LOXHD1: variants seen among roughly 807,000 people sequenced by gnomAD.
The protein encoded by LOXHD1 is lipoxygenase homology PLAT domains 1.
In LOXHD1, 205 loss-of-function variants were observed where a neutral mutation model predicts 248.2. That is an observed-to-expected ratio of 0.83 (90% CI 0.74 to 0.93). LOXHD1 has a LOEUF of 0.93. Ranked by LOEUF, LOXHD1 falls within the 40% of genes least tolerant of loss-of-function variation. LOXHD1 has a pLI of 0.00. For synonymous variants in LOXHD1, 1,113 were observed against 1,162.8 expected (o/e 0.96, Z 0.87); for missense variants, 2,930 against 2,971.6 (o/e 0.99, Z 0.33).
At chr18:46,601,601 T>C (rs2038341499) in intron 7 of LOXHD1, 134 bp from the exon 8 acceptor site, 3 of 1,237,024 alleles carry the variant, frequency 2.4e-6, no homozygotes, top group Non-Finnish European at 2.3e-6. Flanking sequence ...CATCATGTCC[T>C]ACTCCTCCAG....
chr18:46,585,102 C>G (rs1349661205), intron 12 of LOXHD1, among the ~76,000 whole-genome samples: 1 of 152,110 alleles, frequency 6.6e-6, no homozygotes, highest in Non-Finnish European at 1.5e-5. Context: ...ACACCCACAG[C>G]TAACATCATA....
chr18:46,649,131 C>A lies in LOXHD1; in HGVS notation c.245+24G>T, dbSNP rs1021743949. 2.6e-6 allele frequency: 4 copies of A among 1,537,084 alleles called. No individual in the cohort carries two copies. In the African/African-American group the frequency reaches 5.5e-5, roughly 21 times the overall value. ...CAACAGGACTAATGGCCCAGGATCC[C>A]ACCAAGGCCAAGTGGGTACTCACTT... On this transcript the variant is annotated intron_variant, in intron 2 of 40. Coordinates refer to ENST00000642948, the MANE Select transcript of LOXHD1 (RefSeq NM_001384474.1).
chr18:46,656,163 T>C (rs2039178853), intron 1 of LOXHD1, among the ~76,000 whole-genome samples: 1 of 152,124 alleles, frequency 6.6e-6, no homozygotes, highest in Non-Finnish European at 1.5e-5. Context: ...AGACCTAGTA[T>C]GAGATGACAG....
intron 4 of LOXHD1, among the ~76,000 whole-genome samples, chr18:46,623,461 A>G (rs1011078629): frequency 1.3e-5 from 2 of 152,254 alleles, no homozygotes; most frequent in African/African-American, 4.8e-5. Flanking sequence ...AAAGCCAACC[A>G]GAATTGAGCT....
chr18:46,592,109 G>C, intron 11 of LOXHD1, 41 bp from the exon 12 acceptor site: 1 of 1,551,458 alleles, frequency 6.4e-7, no homozygotes, highest in South Asian at 1.2e-5. Flanking sequence ...GTGCACCAGG[G>C]ATGTTCACCG....
At chr18:46,539,231 T>C (rs1034429838) in intron 25 of LOXHD1, among the ~76,000 whole-genome samples, 1 of 152,088 alleles carries the variant, frequency 6.6e-6, no homozygotes, top group Non-Finnish European at 1.5e-5. Flanking sequence ...GAGGCCGAGG[T>C]GGGCTAATCA....
intron 7 of LOXHD1, 88 bp from the exon 8 acceptor site, chr18:46,601,555 C>A (rs750506703): frequency 1.3e-6 from 2 of 1,522,430 alleles, no homozygotes; most frequent in East Asian, 2.5e-5. Flanking sequence ...GTTACAACAC[C>A]CCCAAAGCCC....
chr18:46,511,131 T>G (rs2034933641), intron 34 of LOXHD1, among the ~76,000 whole-genome samples: 1 of 152,192 alleles, frequency 6.6e-6, no homozygotes, highest in Non-Finnish European at 1.5e-5. Flanking sequence ...AAGCTTTTCT[T>G]CTGGAAGACT....
intron 21 of LOXHD1, chr18:46,556,861 G>A (rs1202785799): frequency 1.8e-5 from 3 of 167,452 alleles, no homozygotes; most frequent in East Asian, 3.3e-4. Context: ...CCCTCACCCT[G>A]TGACGTCACA....
In LOXHD1 at chr18:46,533,308, G is replaced by A; in HGVS notation, c.4229C>T (p.Thr1410Ile). 1 of 1,551,834 alleles carries A rather than the reference G, an allele frequency of 6.4e-7. No individual in the cohort carries two copies. Among genetic ancestry groups the A allele is most frequent in the Non-Finnish European group, 8.7e-7 (1 of 1,147,008 alleles). ...GGCAAGCCACCGATCGCATGGGAAA[G>A]TCAAGGTCTCTGCACCCTGGGGTGA... The part of the protein sequence containing the change: ...LPDKDGAETL[T>I]FPCDRWLATS... The change falls in exon 28 of 41, where the codon ACT becomes ATT. Residue 1410 changes from threonine (T) to isoleucine (I), a missense_variant. Physicochemically the swap from Thr to Ile is moderately conservative, Grantham distance 89. Transcript: ENST00000642948.
rs559560065 is a variant in LOXHD1 at position 46,489,036 on chromosome 18, G to A, written c.5985C>T (p.Asp1995=). The change falls in exon 38 of 41, where the codon GAC becomes GAT. Residue 1995 remains aspartate, a synonymous_variant. Transcript: ENST00000642948. ...AGGCAAAGTCGCGGACCGTCTGCCC[G>A]TCACCCTCACTCTTGGAGAGCCAGC... is the stretch of plus-strand genomic sequence containing the variant. ...CDCWLSKSEG[D]GQTVRDFACA... The A allele has an allele frequency of 9.9e-5, 154 of 1,551,602 alleles. No homozygotes were observed. Among genetic ancestry groups the A allele is most frequent in the East Asian group, 3.7e-4 (15 of 40,904 alleles).
At chr18:46,545,167 A>T (rs2036745067) in intron 23 of LOXHD1, 150 bp downstream of exon 23, 2 of 629,498 alleles carry the variant, frequency 3.2e-6, no homozygotes, top group Non-Finnish European at 5.6e-6. Context: ...TTTAGAAAAA[A>T]AGGAACTGCC....
intron 21 of LOXHD1, among the ~76,000 whole-genome samples, chr18:46,551,937 A>C (rs1055628809): frequency 1.3e-5 from 2 of 152,250 alleles, no homozygotes; most frequent in African/African-American, 4.8e-5. Context: ...ACACTAAGTG[A>C]AACAAGCTAG....
At position 46,559,609 on chromosome 18, in the gene LOXHD1, A is replaced by T. The variant is rs746227746; in HGVS notation, c.3062-7T>A. On this transcript the variant is annotated splice_polypyrimidine_tract_variant and splice_region_variant and intron_variant, in intron 19 of 40. Transcript: ENST00000642948. Reference sequence around the variant, plus strand: ...TGAACCTCATAGGTGTTTCCTGTAGACACAGAAAGATGCAGTGTGGAGGGC... The same window carrying T: ...TGAACCTCATAGGTGTTTCCTGTAGTCACAGAAAGATGCAGTGTGGAGGGC... The T allele has an allele frequency of 7.7e-6, 12 of 1,551,376 alleles. No individual in the cohort carries two copies. The highest frequency in any genetic ancestry group is 1.0e-5 in the Non-Finnish European group (12 of 1,146,678).
At chr18:46,512,985 G>A (rs1017121096) in intron 34 of LOXHD1, among the ~76,000 whole-genome samples, 8 of 152,088 alleles carry the variant, frequency 5.3e-5, no homozygotes, top group Non-Finnish European at 1.0e-4. Context: ...TTCAAATCCA[G>A]GTGATATAAA....
chr18:46,567,180 C>T (rs555764591), intron 16 of LOXHD1, among the ~76,000 whole-genome samples: 1 of 152,310 alleles, frequency 6.6e-6, no homozygotes, highest in Non-Finnish European at 1.5e-5. Flanking sequence ...TTTTGAAATG[C>T]TGTATACAGA....
At chr18:46,596,578 A>G (rs2038259570) in intron 8 of LOXHD1, among the ~76,000 whole-genome samples, 1 of 152,362 alleles carries the variant, frequency 6.6e-6, no homozygotes, top group Admixed American at 6.5e-5. Flanking sequence ...AAAGGTAGAC[A>G]GGGAAAAATC....
At chr18:46,542,083 TA>T (rs2144363335) in intron 24 of LOXHD1, 143 bp from the exon 25 acceptor site, 1 of 753,496 alleles carries the variant, frequency 1.3e-6, no homozygotes, top group Non-Finnish European at 2.1e-6. Context: ...GCAGCATTGC[TA>T]AAGTGACTCC....
chr18:46,521,225 C>A lies in LOXHD1; in HGVS notation c.5143G>T (p.Ala1715Ser). 1 of 1,551,740 alleles carries A rather than the reference C, an allele frequency of 6.4e-7. No homozygotes were observed. The highest frequency in any genetic ancestry group is 1.2e-5 in the South Asian group (1 of 84,062). Residue 1715 changes from alanine (A) to serine (S), a missense_variant, in exon 33 of 41, where the codon GCA becomes TCA. Physicochemically the swap from Ala to Ser is moderately conservative, Grantham distance 99. Transcript: ENST00000642948. The stretch of plus-strand genomic sequence containing the variant: ...TACTTGGTGCCCTGGGTGGGCACTG[C>A]CAAACACAACTCTTCCACCAGCCAG... Reference protein sequence around the residue: ...SCWLVEELCLAVPTQGTKYML... With the variant: ...SCWLVEELCLSVPTQGTKYML...
Sources: allele counts gnomAD v4.1 joint callset (sites outside exome capture counted in the v4.1 genomes callset), GRCh38; gene constraint gnomAD v4.1.1; transcripts MANE v1.5; gene names NCBI Gene and HGNC (gene_info 2026-07-23, HGNC 2026-07-21).